The following TULP4 variants were observed in gnomAD, a reference collection of about 807,000 sequenced individuals.
The protein encoded by TULP4 is TUB like protein 4, also known as tubby-related protein 4.
In TULP4, 16 loss-of-function variants were observed where a neutral mutation model predicts 129.0. That is an observed-to-expected ratio of 0.12 (90% CI 0.08 to 0.19). The LOEUF (loss-of-function observed/expected upper bound fraction) is 0.19, where lower values mean the gene tolerates loss of function less well. Ranked by LOEUF, TULP4 falls within the 10% of genes least tolerant of loss-of-function variation. The pLI, the probability that TULP4 is intolerant of heterozygous loss-of-function variation, is 1.00. For missense variants in TULP4, 1,842 were observed against 2,059.1 expected (o/e 0.89, Z 2.04); for synonymous variants, 998 against 854.0 (o/e 1.17, Z -2.94).
chr6:158,273,373 A>C, intron 1 of TULP4, among the ~76,000 whole-genome samples: 1 of 152,010 alleles, frequency 6.6e-6, no homozygotes, highest in East Asian at 1.9e-4. Flanking sequence ...CACAGGGCTC[A>C]CCACTAGAGC....
intron 1 of TULP4, among the ~76,000 whole-genome samples, chr6:158,365,133 C>T (rs1780900956): frequency 6.6e-6 from 1 of 151,862 alleles, no homozygotes; most frequent in African/African-American, 2.4e-5. Context: ...AGCGTTAGTT[C>T]TAGTATTGCC....
chr6:158,382,115 G>C (rs975394176), intron 1 of TULP4, among the ~76,000 whole-genome samples: 1 of 152,106 alleles, frequency 6.6e-6, no homozygotes, highest in Admixed American at 6.5e-5. Flanking sequence ...TTGGCATGAT[G>C]GTCTCCCAGA....
intron 1 of TULP4, among the ~76,000 whole-genome samples, chr6:158,392,325 C>T (rs927806775): frequency 1.3e-5 from 2 of 152,216 alleles, no homozygotes; most frequent in Admixed American, 6.5e-5. Context: ...GTCCCTCCCA[C>T]AACACGTGGG....
intron 1 of TULP4, among the ~76,000 whole-genome samples, chr6:158,243,717 T>C (rs1487087652): frequency 3.3e-5 from 5 of 152,200 alleles, no homozygotes; most frequent in Non-Finnish European, 7.3e-5. Context: ...GGCAGGATTA[T>C]TTTCATCAGG....
chr6:158,477,151 T>G (rs934762184), intron 6 of TULP4, among the ~76,000 whole-genome samples: 1 of 152,186 alleles, frequency 6.6e-6, no homozygotes, highest in Non-Finnish European at 1.5e-5. Context: ...CAAAGCTGAT[T>G]TTCATCTAGT....
chr6:158,481,948 C>T (rs1409878474), intron 8 of TULP4, among the ~76,000 whole-genome samples: 8 of 152,162 alleles, frequency 5.3e-5, no homozygotes, highest in African/African-American at 1.9e-4. Context: ...TGGTACTAGG[C>T]TAGTGTCCGT....
At chr6:158,270,208 C>A (rs975555637) in intron 1 of TULP4, among the ~76,000 whole-genome samples, 2 of 152,146 alleles carry the variant, frequency 1.3e-5, no homozygotes, top group Non-Finnish European at 2.9e-5. Context: ...ATAAAGTCTT[C>A]ATTATTGAGA....
rs113914160 is a variant in TULP4, at chr6:158,246,023, G to GGGTGTGTGTGT, written n.68+13721_68+13722insGTGTGTGTGTG. Reference sequence around the variant, plus strand: ...GTGAGTAATTTGCCTACCCCTTAGGGGTGTGTGTGTGTGTGTGTGTGTGTG... The same window carrying GGGTGTGTGTGT: ...GTGAGTAATTTGCCTACCCCTTAGGGGGTGTGTGTGTGTGTGTGTGTGTGTGTGTGTGTGTG... On this transcript the variant is annotated intron_variant and non_coding_transcript_variant, in intron 1 of 1. Coordinates refer to the TULP4 transcript ENST00000620026. Among the ~76,000 whole-genome samples the GGGTGTGTGTGT allele has an allele frequency of 1.4e-4, 20 of 145,920 alleles. No homozygotes were observed. The East Asian group carries it at 1.8e-3, about 13-fold the overall frequency.
upstream of TULP4, among the ~76,000 whole-genome samples, chr6:158,281,489 T>C (rs919389166): frequency 3.3e-5 from 5 of 152,180 alleles, no homozygotes; most frequent in African/African-American, 1.2e-4. Flanking sequence ...AGTGAGGCAT[T>C]TCCATTCCGG....
intron 2 of TULP4, among the ~76,000 whole-genome samples, chr6:158,422,708 A>G (rs1274901061): frequency 6.6e-6 from 1 of 152,234 alleles, no homozygotes; most frequent in East Asian, 1.9e-4. Flanking sequence ...GTCTATATGC[A>G]GAGGCTGAAG....
chr6:158,431,184 G>A lies in TULP4; in HGVS notation c.543+1287G>A, dbSNP rs185052479. ...ATTTTTATGGGTTTTTACTACCCCC[G>A]AGTCTCAGAAGTGCGTTGCATTAAG... is the stretch of plus-strand genomic sequence containing the variant. On this transcript the variant is annotated intron_variant, in intron 3 of 13. Coordinates refer to ENST00000367097, the MANE Select transcript of TULP4 (RefSeq NM_020245.5). Among the ~76,000 whole-genome samples the A allele has an allele frequency of 6.9e-4, 105 of 152,078 alleles. 2 individuals are homozygous for A. Among genetic ancestry groups the A allele is most frequent in the African/African-American group, 2.2e-3 (93 of 41,502 alleles).
intron 1 of TULP4, among the ~76,000 whole-genome samples, chr6:158,366,481 T>C (rs1004609221): frequency 6.6e-5 from 10 of 152,210 alleles, no homozygotes; most frequent in African/African-American, 1.4e-4. Flanking sequence ...ATCTCAGCCA[T>C]AGCCTCCGGT....
intron 1 of TULP4, among the ~76,000 whole-genome samples, chr6:158,264,835 C>A (rs1479192290): frequency 6.6e-6 from 1 of 152,130 alleles, no homozygotes; most frequent in African/African-American, 2.4e-5. Flanking sequence ...AATGTCCTGT[C>A]TTAAATAGAA....
chr6:158,375,507 G>A (rs1777163531), intron 1 of TULP4, among the ~76,000 whole-genome samples: 1 of 152,180 alleles, frequency 6.6e-6, no homozygotes, highest in Non-Finnish European at 1.5e-5. Flanking sequence ...TGTGCAAGGT[G>A]CAGAAGAACA....
At chr6:158,439,187 T>C (rs1375948557) in intron 3 of TULP4, among the ~76,000 whole-genome samples, 12 of 151,450 alleles carry the variant, frequency 7.9e-5, no homozygotes, top group Admixed American at 7.9e-4. Flanking sequence ...AAAATAATAA[T>C]AATTTACCGA....
intron 1 of TULP4, among the ~76,000 whole-genome samples, chr6:158,306,999 C>T (rs1011831725): frequency 7.2e-5 from 11 of 151,924 alleles, no homozygotes; most frequent in East Asian, 5.8e-4. Context: ...CCAGCCTGGG[C>T]GACAGAGTGA....
intron 3 of TULP4, among the ~76,000 whole-genome samples, chr6:158,447,353 T>C (rs1018588130): frequency 4.6e-5 from 7 of 152,188 alleles, no homozygotes; most frequent in Non-Finnish European, 8.8e-5. Flanking sequence ...CTAGTAGTTA[T>C]GTCTTTCCTG....
At chr6:158,303,085 G>A (rs1779157499) in intron 1 of TULP4, among the ~76,000 whole-genome samples, 2 of 149,168 alleles carry the variant, frequency 1.3e-5, no homozygotes, top group Admixed American at 1.4e-4. Context: ...TGTGTATGGT[G>A]CAGGTGGGCT....
intron 9 of TULP4, among the ~76,000 whole-genome samples, chr6:158,492,264 C>T (rs999750068): frequency 5.9e-5 from 9 of 152,160 alleles, no homozygotes; most frequent in African/African-American, 1.9e-4. Context: ...GTGTCCTGTT[C>T]GGGATGTCTT....
Sources: allele counts gnomAD v4.1 joint callset (sites outside exome capture counted in the v4.1 genomes callset), GRCh38; gene constraint gnomAD v4.1.1; transcripts MANE v1.5; gene names NCBI Gene and HGNC (gene_info 2026-07-23, HGNC 2026-07-21).